The following PAK5 variants were observed in gnomAD, a reference collection of about 807,000 sequenced individuals.
PAK5 encodes p21 (RAC1) activated kinase 5.
A neutral mutation model predicts 65.9 loss-of-function variants in PAK5; 16 were observed. The observed-to-expected ratio is 0.24, with a 90% CI of 0.16 to 0.37. The LOEUF is 0.37. Among genes scored for constraint, PAK5 ranks in the 10% least tolerant of loss-of-function variants. PAK5 has a pLI of 1.00. For missense variants in PAK5, 785 were observed against 903.9 expected, an observed-to-expected ratio of 0.87 and a Z score of 1.69; for synonymous variants, 371 against 354.9, an observed-to-expected ratio of 1.05 and a Z score of -0.51.
At chr20:9,638,373 A>C (rs968782992) in intron 3 of PAK5, among the ~76,000 whole-genome samples, 2 of 152,238 alleles carry the variant, frequency 1.3e-5, no homozygotes, top group Non-Finnish European at 2.9e-5. Context: ...TGGCTAGCCC[A>C]AAAGTTTGGG....
chr20:9,574,774 T>C (rs2045856592), intron 4 of PAK5, among the ~76,000 whole-genome samples: 1 of 152,200 alleles, frequency 6.6e-6, no homozygotes, highest in African/African-American at 2.4e-5. Context: ...TTATGAGCCT[T>C]AATGAAGACC....
intron 2 of PAK5, among the ~76,000 whole-genome samples, chr20:9,649,986 A>G (rs551573166): frequency 6.6e-6 from 1 of 152,336 alleles, no homozygotes; most frequent in African/African-American, 2.4e-5. Flanking sequence ...GGCAGTCCAC[A>G]TTTTGAGTAC....
At chr20:9,758,864 T>C (rs780406683) in intron 1 of PAK5, among the ~76,000 whole-genome samples, 99 of 152,282 alleles carry the variant, frequency 6.5e-4, no homozygotes, top group Non-Finnish European at 1.0e-3. Flanking sequence ...CTTTGTCTTC[T>C]GCCTGGAGGC....
At chr20:9,681,677 A>G (rs1189526722) in intron 2 of PAK5, among the ~76,000 whole-genome samples, 5 of 152,304 alleles carry the variant, frequency 3.3e-5, no homozygotes, top group Admixed American at 3.3e-4. Context: ...GCTTCATACT[A>G]TCTTTTGTAA....
chr20:9,748,776 G>C (rs1027825261), intron 1 of PAK5, among the ~76,000 whole-genome samples: 1 of 152,068 alleles, frequency 6.6e-6, no homozygotes, highest in Non-Finnish European at 1.5e-5. Flanking sequence ...ACATAATTAT[G>C]CACTGTCTAA....
intron 2 of PAK5, among the ~76,000 whole-genome samples, chr20:9,681,498 T>C (rs1358616092): frequency 1.3e-5 from 2 of 152,154 alleles, no homozygotes; most frequent in Non-Finnish European, 2.9e-5. Flanking sequence ...CAAGTATTTG[T>C]TATCATTCCT....
chr20:9,766,084 T>C (rs1468753923), intron 1 of PAK5, among the ~76,000 whole-genome samples: 1 of 151,606 alleles, frequency 6.6e-6, no homozygotes, highest in Non-Finnish European at 1.5e-5. Flanking sequence ...TAGCTGGGTG[T>C]GGTGGTGCGA....
chr20:9,596,411 C>T (rs917692502), intron 3 of PAK5, among the ~76,000 whole-genome samples: 4 of 151,922 alleles, frequency 2.6e-5, no homozygotes, highest in East Asian at 3.9e-4. Flanking sequence ...CCGAGGCGGG[C>T]GGATCACAAG....
chr20:9,604,343 C>T (rs1237760885), intron 3 of PAK5, among the ~76,000 whole-genome samples: 1 of 152,206 alleles, frequency 6.6e-6, no homozygotes, highest in Non-Finnish European at 1.5e-5. Flanking sequence ...TTGCGGTTTT[C>T]CTGCCACTGG....
At chr20:9,606,298 G>GT (rs1429232759) in intron 3 of PAK5, among the ~76,000 whole-genome samples, 1 of 152,158 alleles carries the variant, frequency 6.6e-6, no homozygotes, top group Admixed American at 6.5e-5. Context: ...CCCGATGATT[G>GT]TAAGTTTTCT....
chr20:9,647,999 A>G (rs185949739), intron 2 of PAK5, among the ~76,000 whole-genome samples: 42 of 152,210 alleles, frequency 2.8e-4, no homozygotes, highest in Middle Eastern at 3.4e-3. Context: ...TCTTGGCAGA[A>G]TATTTCTTCT....
intron 2 of PAK5, among the ~76,000 whole-genome samples, chr20:9,676,849 AT>A (rs920407857): frequency 1.3e-5 from 2 of 152,212 alleles, no homozygotes; most frequent in African/African-American, 4.8e-5. Flanking sequence ...ATTTGCTGAT[AT>A]TTAATATGCT....
At chr20:9,695,889 C>T (rs2047862542) in intron 2 of PAK5, among the ~76,000 whole-genome samples, 1 of 151,878 alleles carries the variant, frequency 6.6e-6, no homozygotes, top group Non-Finnish European at 1.5e-5. Flanking sequence ...TAGAAAAGCT[C>T]CATAGACCAG....
At chr20:9,683,921 A>C (rs898750323) in intron 2 of PAK5, among the ~76,000 whole-genome samples, 2 of 152,142 alleles carry the variant, frequency 1.3e-5, no homozygotes, top group Admixed American at 1.3e-4. Context: ...ACTTCTTGGA[A>C]TGGTCCAGAA....
intron 2 of PAK5, among the ~76,000 whole-genome samples, chr20:9,648,294 C>T (rs754708230): frequency 6.6e-5 from 10 of 152,238 alleles, no homozygotes; most frequent in East Asian, 1.9e-4. Flanking sequence ...TGAACTCACA[C>T]GGGTTGTGGT....
At chr20:9,589,764 G>A (rs773138386) in intron 3 of PAK5, among the ~76,000 whole-genome samples, 7 of 152,098 alleles carry the variant, frequency 4.6e-5, no homozygotes, top group Admixed American at 1.3e-4. Context: ...TCTGCCTCCC[G>A]GGTTCAAGCG....
intron 2 of PAK5, among the ~76,000 whole-genome samples, chr20:9,694,502 A>G (rs1287994092): frequency 1.3e-5 from 2 of 152,018 alleles, no homozygotes; most frequent in Non-Finnish European, 2.9e-5. Flanking sequence ...CATTCCTGAA[A>G]CCACAGTGCA....
At chr20:9,695,494 G>A (rs540004026) in intron 2 of PAK5, among the ~76,000 whole-genome samples, 1 of 152,114 alleles carries the variant, frequency 6.6e-6, no homozygotes, top group East Asian at 1.9e-4. Flanking sequence ...ATCGATCTAT[G>A]TGTATTGCAA....
intron 1 of PAK5, among the ~76,000 whole-genome samples, chr20:9,713,038 A>T (rs111548600): frequency 1.3e-5 from 2 of 152,106 alleles, no homozygotes; most frequent in African/African-American, 4.8e-5. Context: ...AAGCTAAAAA[A>T]CTTCTGAACA....
Sources: gnomAD v4.1 joint callset for allele counts (sites outside exome capture counted in the v4.1 genomes callset) on GRCh38, gnomAD v4.1.1 for gene constraint, MANE v1.5 for transcripts, NCBI Gene and HGNC (gene_info 2026-07-23, HGNC 2026-07-21) for gene names.